The following TSSK1B variants were observed in gnomAD, a reference collection of about 807,000 sequenced individuals.
TSSK1B encodes testis-specific serine/threonine-protein kinase 1.
TSSK1B carries 2 observed loss-of-function variants against 4.0 expected under a neutral mutation model. That is an observed-to-expected ratio of 0.50 (90% CI 0.20 to 1.57). The LOEUF (loss-of-function observed/expected upper bound fraction) is 1.57. Among genes scored for constraint, TSSK1B ranks in the 40% most tolerant of loss-of-function variants. The pLI is 0.22. For synonymous variants in TSSK1B, 198 were observed against 200.7 expected (o/e 0.99, Z 0.11); for missense variants, 488 against 495.1 (o/e 0.99, Z 0.14).
chr5:113,434,248 C>T lies in TSSK1B; in HGVS notation c.592G>A (p.Asp198Asn), dbSNP rs560296208. ...QGIPYQPKVY[D>N]IWSLGVILYI... Reference sequence around the variant, plus strand: ...AGGATCACGCCTAGGCTCCAGATGTCGTACACCTTGGGCTGGTAGGGAATG... The same window carrying T: ...AGGATCACGCCTAGGCTCCAGATGTTGTACACCTTGGGCTGGTAGGGAATG... Residue 198 changes from aspartate to asparagine, a missense_variant, in exon 1 of 1, where the codon GAC becomes AAC. Asp to Asn is a conservative substitution (Grantham distance 23, BLOSUM62 1). Transcript: ENST00000390666. This position sits in a 1 kb window ranked among gnomAD's most constrained non-coding sequence, Gnocchi z 4.2. 76 of 1,614,052 alleles carry T rather than the reference C, an allele frequency of 4.7e-5. 1 individual carries two copies. In the South Asian group the frequency reaches 7.1e-4, roughly 15 times the overall value.
Position 113,433,482 on chromosome 5 carries a change from G to A in TSSK1B, c.*254C>T. On this transcript the variant is annotated 3_prime_UTR_variant, in exon 1 of 1. Transcript: ENST00000390666. ...TCTGCTGAGACAGGCTCTGTGTCCA[G>A]CACCTGCTCCGGGTCACGCTCTGGG... The A allele has an allele frequency of 1.6e-6, 1 of 614,620 alleles. No homozygotes were observed. Among genetic ancestry groups the A allele is most frequent in the Non-Finnish European group, 2.9e-6 (1 of 345,678 alleles). 38.1% of individuals were successfully genotyped at this position (614,620 alleles called of 1,614,324 possible).
chr5:113,434,975 C>T lies in TSSK1B; in HGVS notation c.-136G>A. 9.1e-7 allele frequency: 1 copy of T among 1,093,538 alleles called. No homozygotes were observed. The highest frequency in any genetic ancestry group is 1.3e-6 in the Non-Finnish European group (1 of 772,078). The allele number at this position is 1,093,538 out of a possible 1,614,324, so 67.7% of individuals were successfully genotyped here. A position where few individuals can be genotyped will look rare whatever the true frequency, so the allele number is the denominator to read the frequency against. ...GCCTGCTGTTCCTGCCTCCTAGAGG[C>T]CAAGACTCTGGAGTGGAACATTTGG... On this transcript the variant is annotated 5_prime_UTR_variant, in exon 1 of 1. Coordinates refer to ENST00000390666, the MANE Select transcript of TSSK1B (RefSeq NM_032028.4). This position sits in a 1 kb window ranked among gnomAD's most constrained non-coding sequence, Gnocchi z 4.2.
Position 113,434,746 on chromosome 5 carries a change from C to G in TSSK1B, c.94G>C (p.Glu32Gln). Residue 32 changes from glutamate (E) to glutamine (Q), a missense_variant, in exon 1 of 1, where the codon GAG (glutamate) becomes CAG (glutamine). Glu to Gln is a conservative substitution (Grantham distance 29, BLOSUM62 2). Coordinates refer to ENST00000390666, the MANE Select transcript of TSSK1B (RefSeq NM_032028.4). This position sits in a 1 kb window ranked among gnomAD's most constrained non-coding sequence, Gnocchi z 4.2. ...ATCGCCACATTGAACTTCAGGCGCTCAGAGTAAGCAGATTTTACTTTTGCA... is the reference window on the plus strand; with the variant it reads ...ATCGCCACATTGAACTTCAGGCGCTGAGAGTAAGCAGATTTTACTTTTGCA... ...SYAKVKSAYS[E>Q]RLKFNVAIKI... 3 of 1,614,050 alleles carry G rather than the reference C, an allele frequency of 1.9e-6. No individual in the cohort carries two copies. The highest frequency in any genetic ancestry group is 2.2e-5 in the South Asian group (2 of 91,072).
rs1471025657 is a variant in TSSK1B at position 113,434,918 on chromosome 5, A to T, written c.-79T>A. The T allele has an allele frequency of 8.6e-6, 13 of 1,514,496 alleles. No homozygotes were observed. The East Asian group carries it at 2.7e-4, about 32-fold the overall frequency. The allele number at this position is 1,514,496 out of a possible 1,614,324, so 93.8% of individuals were successfully genotyped here. On this transcript the variant is annotated 5_prime_UTR_variant, in exon 1 of 1. The change abolishes an upstream ATG in the 5' untranslated region. Coordinates refer to ENST00000390666, the MANE Select transcript of TSSK1B (RefSeq NM_032028.4). The surrounding 1 kb of genome is among the most constrained non-coding windows in gnomAD (Gnocchi z 4.2). ...ATGGGCCAGCAGTGTGCTCATTTACATCCTGGATAGAGAGTCCTTTGGGCT... is the reference window on the plus strand; with the variant it reads ...ATGGGCCAGCAGTGTGCTCATTTACTTCCTGGATAGAGAGTCCTTTGGGCT...
chr5:113,434,886 G>A lies in TSSK1B; in HGVS notation c.-47C>T, dbSNP rs749456067. On this transcript the variant is annotated 5_prime_UTR_variant, in exon 1 of 1. Coordinates refer to ENST00000390666, the MANE Select transcript of TSSK1B (RefSeq NM_032028.4). The surrounding 1 kb of genome is among the most constrained non-coding windows in gnomAD (Gnocchi z 4.2). ...CTCTGAGGCTGCCCTCTACAGCCCCGAGGCGCATGGGCCAGCAGTGTGCTC... is the reference window on the plus strand; with the variant it reads ...CTCTGAGGCTGCCCTCTACAGCCCCAAGGCGCATGGGCCAGCAGTGTGCTC... The A allele has an allele frequency of 2.2e-5, 34 of 1,567,182 alleles. No individual in the cohort carries two copies. Among genetic ancestry groups the A allele is most frequent in the African/African-American group, 6.8e-5 (5 of 73,680 alleles).
chr5:113,434,716 T>C lies in TSSK1B; in HGVS notation c.124A>G (p.Ile42Val). Residue 42 changes from isoleucine to valine, a missense_variant, in exon 1 of 1, where the codon ATC becomes GTC. By Grantham distance (29) the Ile-to-Val change is conservative (BLOSUM62 3). Coordinates refer to ENST00000390666, the MANE Select transcript of TSSK1B (RefSeq NM_032028.4). The surrounding 1 kb of genome is among the most constrained non-coding windows in gnomAD (Gnocchi z 4.2). ...ERLKFNVAIK[I>V]IDRKKAPADF... ...GCGGGGGCCTTCTTGCGGTCGATGA[T>C]CTTGATCGCCACATTGAACTTCAGG... The C allele has an allele frequency of 4.3e-6, 7 of 1,614,052 alleles. No individual in the cohort carries two copies. Among genetic ancestry groups the C allele is most frequent in the Non-Finnish European group, 5.9e-6 (7 of 1,179,958 alleles).
chr5:113,433,726 C>T lies in TSSK1B; in HGVS notation c.*10G>A, dbSNP rs372559809. Reference sequence around the variant, plus strand: ...GTGAGCTCCATCTCATTCCCTGGGCCGCAAGAAGCTCACTGGGCCCGCGTC... The same window carrying T: ...GTGAGCTCCATCTCATTCCCTGGGCTGCAAGAAGCTCACTGGGCCCGCGTC... On this transcript the variant is annotated 3_prime_UTR_variant, in exon 1 of 1. Coordinates refer to ENST00000390666, the MANE Select transcript of TSSK1B (RefSeq NM_032028.4). 2.3e-5 allele frequency: 37 copies of T among 1,604,420 alleles called. No homozygotes were observed. The highest frequency in any genetic ancestry group is 1.2e-4 in the South Asian group (11 of 89,068).
chr5:113,433,941 G>A lies in TSSK1B; in HGVS notation c.899C>T (p.Pro300Leu), dbSNP rs952474850. ...AGACTTCTTGTCAGAGCCAGGTTCG[G>A]GGGTCCACAAGGGTTCAGTTCCCCG... is the stretch of plus-strand genomic sequence containing the variant. The part of the protein sequence containing the change: ...SSRGTEPLWT[P>L]EPGSDKKSAT... Residue 300 changes from proline to leucine, a missense_variant, in exon 1 of 1, where the codon CCC becomes CTC. Transcript: ENST00000390666. The A allele has an allele frequency of 6.2e-7, 1 of 1,614,006 alleles. No homozygotes were observed. Among genetic ancestry groups the A allele is most frequent in the Non-Finnish European group, 8.5e-7 (1 of 1,179,884 alleles).
Position 113,433,711 on chromosome 5 carries a change from T to A in TSSK1B, c.*25A>T. 6.3e-7 allele frequency: 1 copy of A among 1,597,254 alleles called. No individual in the cohort carries two copies. Among genetic ancestry groups the A allele is most frequent in the Non-Finnish European group, 8.5e-7 (1 of 1,171,626 alleles). On this transcript the variant is annotated 3_prime_UTR_variant, in exon 1 of 1. Transcript: ENST00000390666. ...CTTGGGCTTTAAGCCGTGAGCTCCATCTCATTCCCTGGGCCGCAAGAAGCT... is the reference window on the plus strand; with the variant it reads ...CTTGGGCTTTAAGCCGTGAGCTCCAACTCATTCCCTGGGCCGCAAGAAGCT...
Position 113,433,524 on chromosome 5 carries a change from G to A in TSSK1B, c.*212C>T. The A allele has an allele frequency of 1.6e-6, 1 of 633,944 alleles. No individual in the cohort carries two copies. Among genetic ancestry groups the A allele is most frequent in the Non-Finnish European group, 2.7e-6 (1 of 365,152 alleles). The allele number at this position is 633,944 out of a possible 1,614,324, so 39.3% of individuals were successfully genotyped here. ...CGCTCTGGGGGAGTAGGAGTCGCAC[G>A]ACTGTCTCAGCCTTGGATTTGACTT... On this transcript the variant is annotated 3_prime_UTR_variant, in exon 1 of 1. Coordinates refer to ENST00000390666, the MANE Select transcript of TSSK1B (RefSeq NM_032028.4).
rs779203447 is a variant in TSSK1B at position 113,434,378 on chromosome 5, G to T, written c.462C>A (p.Asp154Glu). The T allele has an allele frequency of 6.2e-7, 1 of 1,613,990 alleles. No individual in the cohort carries two copies. Among genetic ancestry groups the T allele is most frequent in the South Asian group, 1.1e-5 (1 of 91,054 alleles). The change falls in exon 1 of 1, where the codon GAC (aspartate) becomes GAA (glutamate). Residue 154 changes from aspartate to glutamate, a missense_variant. Asp to Glu is a conservative substitution (Grantham distance 45). Transcript: ENST00000390666. The surrounding 1 kb of genome is among the most constrained non-coding windows in gnomAD (Gnocchi z 4.2). ...GCAGGCAGCGCTTGGAGAAGCTGAA[G>T]TCGGACAGCTTGATGTTGAAGTCCT... ...LDKDFNIKLS[D>E]FSFSKRCLRD...
Position 113,434,436 on chromosome 5 carries a change from C to T in TSSK1B, c.404G>A (p.Arg135Gln), listed in dbSNP as rs977695941. Residue 135 changes from arginine (R) to glutamine (Q), a missense_variant, in exon 1 of 1, where the codon CGG becomes CAG. Arg to Gln is a conservative substitution (Grantham distance 43). Transcript: ENST00000390666. The surrounding 1 kb of genome is among the most constrained non-coding windows in gnomAD (Gnocchi z 4.2). ...KYCHDLDVVH[R>Q]DLKCDNLLLD... ...GAGAAGGTTGTCACACTTGAGGTCC[C>T]GGTGGACGACGTCCAGGTCGTGGCA... The T allele has an allele frequency of 5.6e-6, 9 of 1,613,678 alleles. No homozygotes were observed. Among genetic ancestry groups the T allele is most frequent in the South Asian group, 1.1e-5 (1 of 91,044 alleles).
chr5:113,433,645 A>T lies in TSSK1B; in HGVS notation c.*91T>A, dbSNP rs534778230. 3.5e-6 allele frequency: 5 copies of T among 1,434,378 alleles called. No homozygotes were observed. The African/African-American group carries it at 5.7e-5, about 16-fold the overall frequency. 88.9% of individuals were successfully genotyped at this position (1,434,378 alleles called of 1,614,324 possible). A position where few individuals can be genotyped will look rare whatever the true frequency, so the allele number is the denominator to read the frequency against. ...TGATGAAAATAGAGGCTCATCTGGGACTGCCTTCCTTCTCTGGCTCCACCC... is the reference window on the plus strand; with the variant it reads ...TGATGAAAATAGAGGCTCATCTGGGTCTGCCTTCCTTCTCTGGCTCCACCC... On this transcript the variant is annotated 3_prime_UTR_variant, in exon 1 of 1. Transcript: ENST00000390666.
chr5:113,434,776 A>C lies in TSSK1B; in HGVS notation c.64T>G (p.Ser22Ala). 6.2e-7 allele frequency: 1 copy of C among 1,613,900 alleles called. No homozygotes were observed. The highest frequency in any genetic ancestry group is 8.5e-7 in the Non-Finnish European group (1 of 1,179,864). The change falls in exon 1 of 1, where the codon TCC (serine) becomes GCC (alanine). Residue 22 changes from serine (S) to alanine (A), a missense_variant. Coordinates refer to ENST00000390666, the MANE Select transcript of TSSK1B (RefSeq NM_032028.4). The surrounding 1 kb of genome is among the most constrained non-coding windows in gnomAD (Gnocchi z 4.2). The part of the protein sequence containing the change: ...YLLGINLGEG[S>A]YAKVKSAYSE... ...TAAGCAGATTTTACTTTTGCATAGG[A>C]GCCCTCTCCTAAATTTATCCCCAGG...
chr5:113,434,663 C>A lies in TSSK1B; in HGVS notation c.177G>T (p.Arg59=). 3 of 1,613,920 alleles carry A rather than the reference C, an allele frequency of 1.9e-6. No individual in the cohort carries two copies. The highest frequency in any genetic ancestry group is 2.5e-6 in the Non-Finnish European group (3 of 1,179,878). ...TTAACATGGCCAGAATCTCAATTTC[C>A]CGGGGAAGGAATTTCTCCAAGAAGT... ...PADFLEKFLP[R]EIEILAMLNH... Residue 59 remains arginine (R), a synonymous_variant, in exon 1 of 1, where the codon CGG becomes CGT. Transcript: ENST00000390666. The surrounding 1 kb of genome is among the most constrained non-coding windows in gnomAD (Gnocchi z 4.2).
Position 113,433,779 on chromosome 5 carries a change from T to A in TSSK1B, c.1061A>T (p.Glu354Val), listed in dbSNP as rs747389790. 1.2e-6 allele frequency: 2 copies of A among 1,613,932 alleles called. No individual in the cohort carries two copies. Among genetic ancestry groups the A allele is most frequent in the South Asian group, 2.2e-5 (2 of 91,040 alleles). The change falls in exon 1 of 1, where the codon GAG becomes GTG. Residue 354 changes from glutamate to valine, a missense_variant. Glu to Val is a moderately radical substitution (Grantham distance 121). Coordinates refer to ENST00000390666, the MANE Select transcript of TSSK1B (RefSeq NM_032028.4). Reference protein sequence around the residue: ...FPSKPSTMETEEGPPQQPPET... With the variant: ...FPSKPSTMETVEGPPQQPPET... ...TGGAGGCTGTTGGGGGGGCCCTTCCTCTGTCTCCATAGTCGACGGCTTGCT... is the reference window on the plus strand; with the variant it reads ...TGGAGGCTGTTGGGGGGGCCCTTCCACTGTCTCCATAGTCGACGGCTTGCT...
chr5:113,434,006 TC>T lies in TSSK1B; in HGVS notation c.833del (p.Gly278AspfsTer124). The T allele has an allele frequency of 6.2e-7, 1 of 1,613,976 alleles. No homozygotes were observed. Among genetic ancestry groups the T allele is most frequent in the East Asian group, 2.2e-5 (1 of 44,882 alleles). ...SHCWMQPKAR[G>X]SPSVAINKEG... ...CCTTGTTGATGGCCACAGAGGGAGA[TC>T]CCCGTGCCTTGGGCTGCATCCAGCA... On this transcript the variant is annotated frameshift_variant, in exon 1 of 1. Transcript: ENST00000390666. LOFTEE classifies it low-confidence loss of function (END_TRUNC). The surrounding 1 kb of genome is among the most constrained non-coding windows in gnomAD (Gnocchi z 4.2).
chr5:113,433,521 C>T lies in TSSK1B; in HGVS notation c.*215G>A. 1.6e-6 allele frequency: 1 copy of T among 632,332 alleles called. No homozygotes were observed. Among genetic ancestry groups the T allele is most frequent in the Non-Finnish European group, 2.8e-6 (1 of 363,420 alleles). 39.2% of individuals were successfully genotyped at this position (632,332 alleles called of 1,614,324 possible). A position where few individuals can be genotyped will look rare whatever the true frequency, so the allele number is the denominator to read the frequency against. On this transcript the variant is annotated 3_prime_UTR_variant, in exon 1 of 1. Coordinates refer to ENST00000390666, the MANE Select transcript of TSSK1B (RefSeq NM_032028.4). ...TCACGCTCTGGGGGAGTAGGAGTCG[C>T]ACGACTGTCTCAGCCTTGGATTTGA... is the stretch of plus-strand genomic sequence containing the variant.
Position 113,434,545 on chromosome 5 carries a change from G to A in TSSK1B, c.295C>T (p.Leu99Phe), listed in dbSNP as rs780970056. ...VMELAVQGDL[L>F]ELIKTRGALH... ...GCTCCCCGGGTTTTGATTAACTCGA[G>A]GAGGTCGCCCTGGACCGCGAGCTCC... Residue 99 changes from leucine (L) to phenylalanine (F), a missense_variant, in exon 1 of 1, where the codon CTC (leucine) becomes TTC (phenylalanine). By Grantham distance (22) the Leu-to-Phe change is conservative. Coordinates refer to ENST00000390666, the MANE Select transcript of TSSK1B (RefSeq NM_032028.4). The surrounding 1 kb of genome is among the most constrained non-coding windows in gnomAD (Gnocchi z 4.2). 6.8e-6 allele frequency: 11 copies of A among 1,613,214 alleles called. No homozygotes were observed. The highest frequency in any genetic ancestry group is 9.3e-6 in the Non-Finnish European group (11 of 1,179,308).
Sources: allele counts gnomAD v4.1 joint callset, GRCh38; gene constraint gnomAD v4.1.1; non-coding constraint Gnocchi (gnomAD v3.1); transcripts MANE v1.5; gene names NCBI Gene and HGNC (gene_info 2026-07-23, HGNC 2026-07-21).